EFNB2: variants seen among roughly 807,000 people sequenced by gnomAD.
The protein encoded by EFNB2 is ephrin B2, also known as ephrin-B2.
In EFNB2, 5 loss-of-function variants were observed where a neutral mutation model predicts 32.1. The observed-to-expected ratio is 0.16, with a 90% CI of 0.08 to 0.33. The LOEUF is 0.33. Ranked by LOEUF, EFNB2 falls within the 10% of genes least tolerant of loss-of-function variation. The probability of loss-of-function intolerance (pLI) is 1.00; values close to 1 mark genes in which losing one functional copy is unlikely to be tolerated. For synonymous variants in EFNB2, 168 were observed against 166.5 expected (o/e 1.01, Z -0.07); for missense variants, 263 against 422.6 (o/e 0.62, Z 3.31).
rs1469054238 is a variant in EFNB2, at chr13:106,489,975, A to G, written c.*3065T>C. 1 of 152,672 alleles carries G rather than the reference A, an allele frequency of 6.5e-6. No individual in the cohort carries two copies. The highest frequency in any genetic ancestry group is 2.4e-5 in the African/African-American group (1 of 41,468). 9.5% of individuals were successfully genotyped at this position (152,672 alleles called of 1,614,324 possible). On this transcript the variant is annotated 3_prime_UTR_variant, in exon 5 of 5. Transcript: ENST00000646441. ...AATTGGACAACGAAATTTTAAATAA[A>G]TATTCATGGTACATAATTACGGCAC...
chr13:106,503,277 C>A (rs1032958189), intron 2 of EFNB2, among the ~76,000 whole-genome samples: 34 of 150,128 alleles, frequency 2.3e-4, no homozygotes, highest in South Asian at 4.2e-4. Context: ...AAAAACAAAA[C>A]AAAAAAAAAG....
At chr13:106,512,140 C>G (rs900864179) in intron 2 of EFNB2, among the ~76,000 whole-genome samples, 4 of 151,666 alleles carry the variant, frequency 2.6e-5, no homozygotes, top group Non-Finnish European at 2.9e-5. Context: ...AGAATAAATA[C>G]GAAATGAATG....
At chr13:106,514,031 C>T (rs1879232488) in intron 1 of EFNB2, among the ~76,000 whole-genome samples, 1 of 152,136 alleles carries the variant, frequency 6.6e-6, no homozygotes, top group Non-Finnish European at 1.5e-5. Flanking sequence ...TGAAGCAGCA[C>T]AAAACATAAC....
intron 2 of EFNB2, among the ~76,000 whole-genome samples, chr13:106,502,868 CAT>C (rs1180536482): frequency 1.3e-5 from 2 of 152,006 alleles, no homozygotes; most frequent in Non-Finnish European, 1.5e-5. Context: ...GGCAGGTGCA[CAT>C]GTGTGCGTGT....
intron 2 of EFNB2, among the ~76,000 whole-genome samples, chr13:106,505,872 G>T (rs1244680627): frequency 6.6e-6 from 1 of 152,144 alleles, no homozygotes; most frequent in African/African-American, 2.4e-5. Context: ...TTGCTGTCAT[G>T]ATGGCTTAGG....
chr13:106,505,150 C>A (rs1293482005), intron 2 of EFNB2, among the ~76,000 whole-genome samples: 2 of 152,114 alleles, frequency 1.3e-5, no homozygotes, highest in African/African-American at 4.8e-5. Flanking sequence ...ATGTCTGATA[C>A]AAGCATACAG....
At chr13:106,516,179 A>T (rs1469391664) in intron 1 of EFNB2, 1 of 152,278 alleles carries the variant, frequency 6.6e-6, no homozygotes, top group Non-Finnish European at 1.5e-5. Flanking sequence ...CTGAGTCGGT[A>T]CAGGACACAC....
chr13:106,503,165 A>G (rs1402217025), intron 2 of EFNB2, among the ~76,000 whole-genome samples: 1 of 152,184 alleles, frequency 6.6e-6, no homozygotes, highest in Non-Finnish European at 1.5e-5. Flanking sequence ...TTGAGGAAAA[A>G]CATCACTTTC....
intron 1 of EFNB2, among the ~76,000 whole-genome samples, chr13:106,529,475 C>T (rs1009810950): frequency 6.6e-6 from 1 of 152,228 alleles, no homozygotes. Context: ...TTATCCACCA[C>T]CAATGAGCAA....
intron 3 of EFNB2, among the ~76,000 whole-genome samples, chr13:106,495,305 G>T (rs746336599): frequency 3.3e-5 from 5 of 152,104 alleles, no homozygotes; most frequent in Non-Finnish European, 7.4e-5. Context: ...TTAATTAGAA[G>T]AATAATTATT....
chr13:106,494,994 T>A lies in EFNB2; in HGVS notation c.500A>T (p.Asp167Val). 6.2e-7 allele frequency: 1 copy of A among 1,612,870 alleles called. No individual in the cohort carries two copies. Among genetic ancestry groups the A allele is most frequent in the Non-Finnish European group, 8.5e-7 (1 of 1,178,884 alleles). ...CCTGGTTGATCCAGCAGAACTTGCA[T>A]CTATATGAAAAACAAATGATTAATT... ...AMKILMKVGQ[D>V]ASSAGSTRNK... The change falls in exon 4 of 5, where the codon GAT becomes GTT. Residue 167 changes from aspartate (D) to valine (V), a missense_variant and splice_region_variant. Around this residue, in one of 3 missense-constraint regions of EFNB2, gnomAD observed 172 missense variants for 237.1 expected, o/e 0.73. Coordinates refer to ENST00000646441, the MANE Select transcript of EFNB2 (RefSeq NM_004093.4).
chr13:106,506,044 C>A (rs1878941088), intron 2 of EFNB2: 1 of 152,162 alleles, frequency 6.6e-6, no homozygotes, highest in African/African-American at 2.4e-5. Context: ...AGACTTTAAT[C>A]CTTAAATGTA....
chr13:106,530,892 C>A (rs1879849601), intron 1 of EFNB2, among the ~76,000 whole-genome samples: 1 of 152,208 alleles, frequency 6.6e-6, no homozygotes, highest in African/African-American at 2.4e-5. Flanking sequence ...GAAGGATGCA[C>A]CTCAGTAAGT....
At chr13:106,499,582 A>G (rs1248828116) in intron 2 of EFNB2, among the ~76,000 whole-genome samples, 1 of 152,200 alleles carries the variant, frequency 6.6e-6, no homozygotes, top group Non-Finnish European at 1.5e-5. Flanking sequence ...TCTTTCTATC[A>G]GCGTGATCTA....
intron 2 of EFNB2, among the ~76,000 whole-genome samples, chr13:106,503,826 T>C (rs1878861986): frequency 1.3e-5 from 2 of 151,984 alleles, no homozygotes; most frequent in South Asian, 2.1e-4. Flanking sequence ...GATAGAGGAA[T>C]TGTGTTTTAA....
intron 1 of EFNB2, among the ~76,000 whole-genome samples, chr13:106,528,424 G>C (rs1879769418): frequency 6.6e-6 from 1 of 151,162 alleles, no homozygotes; most frequent in African/African-American, 2.4e-5. Context: ...GACCATTTTT[G>C]TCAGACACAG....
At chr13:106,528,112 G>T (rs1879760423) in intron 1 of EFNB2, among the ~76,000 whole-genome samples, 1 of 152,144 alleles carries the variant, frequency 6.6e-6, no homozygotes, top group South Asian at 2.1e-4. Context: ...TAAATCAGGG[G>T]GTAGCCTCTC....
intron 4 of EFNB2, among the ~76,000 whole-genome samples, chr13:106,494,085 C>T (rs1006326153): frequency 6.6e-6 from 1 of 152,236 alleles, no homozygotes; most frequent in Non-Finnish European, 1.5e-5. Flanking sequence ...ATCCATTTAT[C>T]AGTTTGTCAC....
chr13:106,496,289 G>A (rs1026495623), intron 2 of EFNB2, among the ~76,000 whole-genome samples: 7 of 152,156 alleles, frequency 4.6e-5, no homozygotes, highest in Non-Finnish European at 4.4e-5. Flanking sequence ...TTAGCTTGAC[G>A]CTCTGTTTGT....
Sources: gnomAD v4.1 joint callset for allele counts (sites outside exome capture counted in the v4.1 genomes callset) on GRCh38, gnomAD v4.1.1 for gene constraint, gnomAD v4.1.1 regional missense constraint, MANE v1.5 for transcripts, NCBI Gene and HGNC (gene_info 2026-07-23, HGNC 2026-07-21) for gene names.